Variants in PSD3 observed in about 807,000 individuals in gnomAD.
PSD3 encodes the protein pleckstrin and Sec7 domain containing 3, also known as PH and SEC7 domain-containing protein 3.
PSD3 carries 49 observed loss-of-function variants against 105.5 expected under a neutral mutation model. The ratio of observed to expected loss-of-function variants is 0.46; its 90% confidence interval spans 0.37 to 0.59. PSD3 has a LOEUF of 0.59. Ranked by LOEUF, PSD3 falls within the 20% of genes least tolerant of loss-of-function variation. The pLI is 0.00. For missense variants in PSD3, 1,561 were observed against 1,263.8 expected, an observed-to-expected ratio of 1.24 and a Z score of -3.57; for synonymous variants, 557 against 457.8, an observed-to-expected ratio of 1.22 and a Z score of -2.77.
At chr8:18,733,893 A>G (rs57825650) in intron 9 of PSD3, 5,526 of 152,638 alleles carry the variant, frequency 0.036, 218 homozygotes, top group East Asian at 0.15. Context: ...AAAAAAGAAA[A>G]AGAGCAGAAA....
intron 2 of PSD3, among the ~76,000 whole-genome samples, chr8:18,895,642 T>G (rs537257109): frequency 6.6e-6 from 1 of 152,300 alleles, no homozygotes; most frequent in East Asian, 1.9e-4. Flanking sequence ...AAAAGAAACC[T>G]GTGTGTTGGG....
chr8:18,985,726 C>T (rs1405228175), intron 1 of PSD3, among the ~76,000 whole-genome samples: 1 of 152,098 alleles, frequency 6.6e-6, no homozygotes, highest in Admixed American at 6.5e-5. Flanking sequence ...AAGTCAATGG[C>T]ACTTATCAGT....
At chr8:18,782,938 T>A (rs1808781518) in intron 8 of PSD3, among the ~76,000 whole-genome samples, 1 of 152,230 alleles carries the variant, frequency 6.6e-6, no homozygotes, top group African/African-American at 2.4e-5. Flanking sequence ...AGGTTTGTTT[T>A]AGAATGCAAG....
intron 9 of PSD3, among the ~76,000 whole-genome samples, chr8:18,763,706 G>A (rs575616741): frequency 7.0e-4 from 106 of 152,236 alleles, no homozygotes; most frequent in African/African-American, 2.3e-3. Context: ...TGAAACCAAC[G>A]TGGTTTAAAG....
At chr8:18,907,022 A>G (rs1449162966) in intron 2 of PSD3, among the ~76,000 whole-genome samples, 1 of 152,218 alleles carries the variant, frequency 6.6e-6, no homozygotes, top group Non-Finnish European at 1.5e-5. Flanking sequence ...TAAGGAAAAT[A>G]TTTTAGCATA....
At chr8:18,765,663 AC>A (rs1806921386) in intron 8 of PSD3, 125 bp from the exon 9 acceptor site, 2 of 791,016 alleles carry the variant, frequency 2.5e-6, no homozygotes, top group Non-Finnish European at 4.2e-6. Context: ...GCGGTGGCTC[AC>A]GCCTGTAACT....
chr8:18,790,699 T>C (rs1255700825), intron 8 of PSD3, among the ~76,000 whole-genome samples: 1 of 151,868 alleles, frequency 6.6e-6, no homozygotes, highest in Non-Finnish European at 1.5e-5. Context: ...TTGGTGAAAA[T>C]GAACGCCAGG....
At chr8:18,671,717 C>T (rs1344562021) in intron 9 of PSD3, among the ~76,000 whole-genome samples, 1 of 151,918 alleles carries the variant, frequency 6.6e-6, no homozygotes, top group South Asian at 2.1e-4. Flanking sequence ...CTGCAAGCTC[C>T]GCCTCCTGGG....
At chr8:18,737,225 G>A (rs1804217569) in intron 9 of PSD3, among the ~76,000 whole-genome samples, 1 of 152,176 alleles carries the variant, frequency 6.6e-6, no homozygotes, top group East Asian at 1.9e-4. Flanking sequence ...CCACAGCTGA[G>A]AAACACTGCA....
chr8:18,614,602 T>G (rs921412437), intron 11 of PSD3, among the ~76,000 whole-genome samples: 2 of 152,102 alleles, frequency 1.3e-5, no homozygotes, highest in Non-Finnish European at 2.9e-5. Flanking sequence ...CATGGGTTAA[T>G]TAAAGAATGA....
In PSD3 at chr8:19,060,247, C is replaced by A. The variant is rs532817425; in HGVS notation, c.324+23959G>T. Among the ~76,000 whole-genome samples the A allele has an allele frequency of 2.6e-5, 4 of 152,216 alleles. No individual in the cohort carries two copies. The South Asian group carries it at 8.3e-4, about 32-fold the overall frequency. The stretch of plus-strand genomic sequence containing the variant: ...GGAAAATTGAAAAAGAGAAAAAAAA[C>A]TTTAAAAATGAAATGAGTTTCCAAG... On this transcript the variant is annotated intron_variant, in intron 1 of 1. Transcript: ENST00000521475.
rs947670136 is a variant in PSD3 at position 18,872,368 on chromosome 8, C to T, written c.496G>A (p.Val166Ile). ...TCCAGCTCTTTTTCCACCTGCTGAA[C>T]TGAAAAACTAGAAACAGCATCTTGG... is the stretch of plus-strand genomic sequence containing the variant. ...LDQDAVSSFSVQQVEKELDTA... is the reference protein window; with the variant it reads ...LDQDAVSSFSIQQVEKELDTA... Residue 166 changes from valine to isoleucine, a missense_variant, in exon 3 of 16, where the codon GTT becomes ATT. Val to Ile is a conservative substitution (Grantham distance 29). Transcript: ENST00000327040. The T allele has an allele frequency of 6.2e-7, 1 of 1,614,210 alleles. No homozygotes were observed. Among genetic ancestry groups the T allele is most frequent in the Non-Finnish European group, 8.5e-7 (1 of 1,180,032 alleles).
At chr8:18,547,306 G>A (rs929269664) in intron 15 of PSD3, among the ~76,000 whole-genome samples, 2 of 152,192 alleles carry the variant, frequency 1.3e-5, no homozygotes, top group African/African-American at 4.8e-5. Context: ...CTCCTAATCT[G>A]AAGCAATGTA....
chr8:19,017,352 CTACA>C (rs143660038), upstream of PSD3, among the ~76,000 whole-genome samples: 63 of 152,134 alleles, frequency 4.1e-4, no homozygotes, highest in Non-Finnish European at 7.5e-4. Flanking sequence ...CCCAGCCTGG[CTACA>C]TACTCTTGAT....
chr8:18,677,760 T>C (rs897489875), intron 9 of PSD3, among the ~76,000 whole-genome samples: 2 of 152,082 alleles, frequency 1.3e-5, no homozygotes, highest in Non-Finnish European at 2.9e-5. Flanking sequence ...GCCTGTAATC[T>C]CAGCACTGTG....
intron 4 of PSD3, among the ~76,000 whole-genome samples, chr8:18,817,379 T>A (rs1378587470): frequency 6.6e-6 from 1 of 152,162 alleles, no homozygotes; most frequent in African/African-American, 2.4e-5. Context: ...ATCAATCACC[T>A]AATTCACCCT....
chr8:18,700,698 T>C (rs561152023), intron 9 of PSD3, among the ~76,000 whole-genome samples: 2 of 152,306 alleles, frequency 1.3e-5, no homozygotes, highest in South Asian at 2.1e-4. Context: ...CGTAGAATAC[T>C]GCAACTTCCT....
intron 1 of PSD3, among the ~76,000 whole-genome samples, chr8:18,988,699 A>T (rs1048765693): frequency 6.6e-6 from 1 of 152,200 alleles, no homozygotes; most frequent in Non-Finnish European, 1.5e-5. Context: ...ATGTTTAAAA[A>T]GTGTTGATTT....
chr8:19,026,695 T>C (rs1827560723), intron 1 of PSD3, among the ~76,000 whole-genome samples: 1 of 68,796 alleles, frequency 1.5e-5, no homozygotes, highest in African/African-American at 6.2e-5. Context: ...CAAGACCACA[T>C]CTCTACAAAA....
Sources: allele counts gnomAD v4.1 joint callset (sites outside exome capture counted in the v4.1 genomes callset), GRCh38; gene constraint gnomAD v4.1.1; transcripts MANE v1.5; gene names NCBI Gene and HGNC (gene_info 2026-07-23, HGNC 2026-07-21).